MKRN1: variants seen among roughly 807,000 people sequenced by gnomAD.
MKRN1 encodes the protein makorin ring finger protein 1, also known as E3 ubiquitin-protein ligase makorin-1.
A neutral mutation model predicts 55.5 loss-of-function variants in MKRN1; 9 were observed. The observed-to-expected ratio is 0.16, with a 90% CI of 0.10 to 0.28. The LOEUF (loss-of-function observed/expected upper bound fraction) is 0.28, where lower values mean the gene tolerates loss of function less well. Among genes scored for constraint, MKRN1 ranks in the 10% least tolerant of loss-of-function variants. The pLI is 1.00. For synonymous variants in MKRN1, 253 were observed against 235.9 expected, an observed-to-expected ratio of 1.07 and a Z score of -0.66; for missense variants, 488 against 626.7, an observed-to-expected ratio of 0.78 and a Z score of 2.36.
At chr7:140,476,126 T>C (rs151042927) in intron 1 of MKRN1, among the ~76,000 whole-genome samples, 47 of 152,290 alleles carry the variant, frequency 3.1e-4, no homozygotes, top group African/African-American at 1.1e-3. Context: ...AGGAGTGATG[T>C]GCTATAGGGA....
chr7:140,458,859 T>C (rs1057086049), intron 4 of MKRN1, 148 bp downstream of exon 4: 8 of 792,378 alleles, frequency 1.0e-5, no homozygotes, highest in Non-Finnish European at 1.6e-5. Context: ...TGATAAAGCA[T>C]CCAAGAAGCC....
chr7:140,477,145 G>A (rs1206671485), intron 1 of MKRN1, among the ~76,000 whole-genome samples: 1 of 149,454 alleles, frequency 6.7e-6, no homozygotes, highest in Non-Finnish European at 1.5e-5. Flanking sequence ...CTATCTAAAG[G>A]AGAAAATAGT....
At chr7:140,476,504 TG>T (rs758877021) in intron 1 of MKRN1, among the ~76,000 whole-genome samples, 6 of 146,146 alleles carry the variant, frequency 4.1e-5, no homozygotes, top group Non-Finnish European at 8.9e-5. Flanking sequence ...GATACACATG[TG>T]TTCTGTTAAG....
rs1324158358 is a variant in MKRN1, at chr7:140,454,692, T to C, written c.1274A>G (p.Glu425Gly). ...RRNHFWELIE[E>G]RENSNPFDND... The stretch of plus-strand genomic sequence containing the variant: ...GTCAAAGGGGTTGCTGTTCTCTCTT[T>C]CCTCAATGAGTTCCCAGAAGTGGTT... Residue 425 changes from glutamate to glycine, a missense_variant, in exon 8 of 8, where the codon GAA (glutamate) becomes GGA (glycine). Physicochemically the swap from Glu to Gly is moderately conservative, Grantham distance 98. Coordinates refer to ENST00000255977, the MANE Select transcript of MKRN1 (RefSeq NM_013446.4). 6.2e-7 allele frequency: 1 copy of C among 1,613,922 alleles called. No individual in the cohort carries two copies. The highest frequency in any genetic ancestry group is 8.5e-7 in the Non-Finnish European group (1 of 1,179,826).
intron 2 of MKRN1, among the ~76,000 whole-genome samples, chr7:140,466,470 A>G (rs1357888313): frequency 6.6e-6 from 1 of 152,134 alleles, no homozygotes; most frequent in Non-Finnish European, 1.5e-5. Context: ...TTTGAGACCA[A>G]CCTCGGTGAG....
At position 140,453,462 on chromosome 7, in the gene MKRN1, A is replaced by G. The variant is rs1794388813; in HGVS notation, c.*1055T>C. The stretch of plus-strand genomic sequence containing the variant: ...AATACCCACAAAAACAAACACAAAA[A>G]CCCGACAACAAAATGCCTCAAGTGA... On this transcript the variant is annotated 3_prime_UTR_variant, in exon 8 of 8. Transcript: ENST00000255977. The G allele has an allele frequency of 6.6e-6, 1 of 152,524 alleles. No individual in the cohort carries two copies. The highest frequency in any genetic ancestry group is 2.4e-5 in the African/African-American group (1 of 41,406). The allele number at this position is 152,524 out of a possible 1,614,324, so 9.4% of individuals were successfully genotyped here. A position where few individuals can be genotyped will look rare whatever the true frequency, so the allele number is the denominator to read the frequency against.
intron 5 of MKRN1, 40 bp downstream of exon 5, chr7:140,456,611 CA>C: frequency 6.2e-7 from 1 of 1,602,960 alleles, no homozygotes; most frequent in Non-Finnish European, 8.5e-7. Context: ...AATTCTTCCC[CA>C]AAAGAGAAAG....
In MKRN1 at chr7:140,479,321, T is replaced by G; in HGVS notation, c.24A>C (p.Gly8=). The change falls in exon 1 of 8, where the codon GGA becomes GGC. Residue 8 remains glycine (G), a synonymous_variant. Transcript: ENST00000255977. ...CTGCTCCTGATGTTGTGGCTGTTGT[T>G]CCGGGAGTTGCAGCCTCCGCCATTA... The part of the protein sequence containing the change: MAEAATP[G]TTATTSGAGA... 1 of 1,310,758 alleles carries G rather than the reference T, an allele frequency of 7.6e-7. No homozygotes were observed. Among genetic ancestry groups the G allele is most frequent in the South Asian group, 2.4e-5 (1 of 42,252 alleles). 81.2% of individuals were successfully genotyped at this position (1,310,758 alleles called of 1,614,324 possible).
chr7:140,479,227 C>G lies in MKRN1; in HGVS notation c.118G>C (p.Gly40Arg). 6.9e-7 allele frequency: 1 copy of G among 1,457,430 alleles called. No individual in the cohort carries two copies. 90.3% of individuals were successfully genotyped at this position (1,457,430 alleles called of 1,614,324 possible). Residue 40 changes from glycine (G) to arginine (R), a missense_variant, in exon 1 of 8, where the codon GGG becomes CGG. This residue lies in a region of MKRN1 where 210 missense variants were observed against 220.0 expected (regional missense o/e 0.95). Transcript: ENST00000255977. ...PIPTVTAPSL[G>R]AGGGGGGSDG... ...CTGCCGCCGCCCCCTCCGCCCGCCC[C>G]CAGGGACGGGGCGGTGACTGTGGGG...
chr7:140,479,528 A>G, upstream of MKRN1: 1 of 558,950 alleles, frequency 1.8e-6, no homozygotes. Context: ...GCGGGCCCAG[A>G]GCATGCGCGC....
intron 2 of MKRN1, among the ~76,000 whole-genome samples, chr7:140,460,587 C>T (rs997227655): frequency 6.6e-6 from 1 of 152,044 alleles, no homozygotes; most frequent in Non-Finnish European, 1.5e-5. Context: ...AGGTGTGAGC[C>T]ACCACGTACG....
At chr7:140,470,993 T>C (rs1193648725) in intron 2 of MKRN1, among the ~76,000 whole-genome samples, 1 of 152,062 alleles carries the variant, frequency 6.6e-6, no homozygotes, top group Non-Finnish European at 1.5e-5. Flanking sequence ...TGCCATCTCA[T>C]AAGTGTCTCT....
At chr7:140,460,436 A>G (rs1479568328) in intron 2 of MKRN1, among the ~76,000 whole-genome samples, 2 of 150,490 alleles carry the variant, frequency 1.3e-5, no homozygotes, top group Non-Finnish European at 3.0e-5. Context: ...CAGCCTCCCA[A>G]GTAGCTGGGA....
chr7:140,479,395 T>C lies in MKRN1; in HGVS notation c.-51A>G. ...CCCCGGAACTTCCGGGATCACATAG[T>C]TCCGGTCCGGCTGCGGGGAGAGGAC... On this transcript the variant is annotated 5_prime_UTR_variant, in exon 1 of 8. Coordinates refer to ENST00000255977, the MANE Select transcript of MKRN1 (RefSeq NM_013446.4). 1 of 1,266,488 alleles carries C rather than the reference T, an allele frequency of 7.9e-7. No homozygotes were observed. The highest frequency in any genetic ancestry group is 1.0e-6 in the Non-Finnish European group (1 of 999,916). The allele number at this position is 1,266,488 out of a possible 1,614,324, so 78.5% of individuals were successfully genotyped here. A position where few individuals can be genotyped will look rare whatever the true frequency, so the allele number is the denominator to read the frequency against.
intron 2 of MKRN1, among the ~76,000 whole-genome samples, chr7:140,465,577 T>C (rs1482949204): frequency 6.9e-6 from 1 of 144,552 alleles, no homozygotes; most frequent in Non-Finnish European, 1.5e-5. Context: ...AATACTAGAC[T>C]AGATATCTGC....
At chr7:140,464,339 G>A (rs1794710917) in intron 2 of MKRN1, among the ~76,000 whole-genome samples, 1 of 151,924 alleles carries the variant, frequency 6.6e-6, no homozygotes, top group Non-Finnish European at 1.5e-5. Flanking sequence ...AGGAATTTGA[G>A]GCTATAGTGA....
intron 1 of MKRN1, among the ~76,000 whole-genome samples, chr7:140,474,005 A>AAGAAGAAAG (rs1554450299): frequency 1.5e-5 from 1 of 65,658 alleles, no homozygotes; most frequent in African/African-American, 9.6e-5. Context: ...AAAAAAAAAA[A>AAGAAGAAAG]AAAGAAAGAA....
chr7:140,477,764 C>T (rs1795169943), intron 1 of MKRN1, among the ~76,000 whole-genome samples: 1 of 152,202 alleles, frequency 6.6e-6, no homozygotes, highest in South Asian at 2.1e-4. Context: ...ACCTAGCCAC[C>T]CCGACAGGCC....
chr7:140,464,347 T>A (rs1220029058), intron 2 of MKRN1, among the ~76,000 whole-genome samples: 1 of 151,442 alleles, frequency 6.6e-6, no homozygotes, highest in Non-Finnish European at 1.5e-5. Context: ...GAGGCTATAG[T>A]GAGTCACGAT....
Sources: gnomAD v4.1 joint callset for allele counts (sites outside exome capture counted in the v4.1 genomes callset) on GRCh38, gnomAD v4.1.1 for gene constraint, gnomAD v4.1.1 regional missense constraint, MANE v1.5 for transcripts, NCBI Gene and HGNC (gene_info 2026-07-23, HGNC 2026-07-21) for gene names.